The following CDK5RAP2 variants were observed in gnomAD, a reference collection of about 807,000 sequenced individuals.
CDK5RAP2 encodes the protein CDK5 regulatory subunit associated protein 2.
A neutral mutation model predicts 232.9 loss-of-function variants in CDK5RAP2; 147 were observed. The observed-to-expected ratio is 0.63, with a 90% CI of 0.55 to 0.72. CDK5RAP2 has a LOEUF of 0.72. Ranked by LOEUF, CDK5RAP2 falls within the 30% of genes least tolerant of loss-of-function variation. The pLI is 0.00. For missense variants in CDK5RAP2, 2,195 were observed against 2,231.5 expected (o/e 0.98, Z 0.33); for synonymous variants, 833 against 833.7 (o/e 1.00, Z 0.01).
intron 5 of CDK5RAP2, among the ~76,000 whole-genome samples, chr9:120,541,233 C>A (rs1256965018): frequency 6.6e-6 from 1 of 152,164 alleles, no homozygotes; most frequent in African/African-American, 2.4e-5. Context: ...TCCACCCTGC[C>A]CACCAGAGTG....
chr9:120,516,542 T>C (rs1375830006), intron 12 of CDK5RAP2, among the ~76,000 whole-genome samples: 1 of 152,042 alleles, frequency 6.6e-6, no homozygotes, highest in African/African-American at 2.4e-5. Flanking sequence ...ATAAAAAATT[T>C]TGGCTAGGTG....
chr9:120,392,164 C>T (rs12352904), intron 36 of CDK5RAP2, among the ~76,000 whole-genome samples: 2,894 of 152,280 alleles, frequency 0.019, 82 homozygotes, highest in African/African-American at 0.063. Context: ...GCCCCCGAGA[C>T]TGTGCTAAGT....
At chr9:120,498,602 G>C (rs2039428573) in intron 12 of CDK5RAP2, among the ~76,000 whole-genome samples, 1 of 152,052 alleles carries the variant, frequency 6.6e-6, no homozygotes, top group African/African-American at 2.4e-5. Context: ...TCCTGATACT[G>C]GTAAGTATGC....
intron 14 of CDK5RAP2, among the ~76,000 whole-genome samples, chr9:120,485,595 T>C (rs2038558710): frequency 6.6e-6 from 1 of 152,222 alleles, no homozygotes; most frequent in African/African-American, 2.4e-5. Context: ...ATGACTAAAA[T>C]GTGATTCAAA....
intron 4 of CDK5RAP2, among the ~76,000 whole-genome samples, 188 bp from the exon 5 acceptor site, chr9:120,545,978 C>T (rs2041826383): frequency 2.6e-5 from 4 of 152,148 alleles, no homozygotes; most frequent in Admixed American, 2.6e-4. Flanking sequence ...CTGGTGGTCT[C>T]AAAAGAAAGA....
Position 120,580,010 on chromosome 9 carries a change from G to C in CDK5RAP2, c.-32C>G, listed in dbSNP as rs756946190. ...AGAGGTGGCGACAGCGTTGGTGTCT[G>C]TGGCGGCGGCGCCACTAGTACCCCC... On this transcript the variant is annotated 5_prime_UTR_variant, in exon 1 of 38. Coordinates refer to ENST00000349780, the MANE Select transcript of CDK5RAP2 (RefSeq NM_018249.6). 2.0e-6 allele frequency: 3 copies of C among 1,502,084 alleles called. No homozygotes were observed. The South Asian group carries it at 3.4e-5, about 17-fold the overall frequency. The allele number at this position is 1,502,084 out of a possible 1,614,324, so 93.0% of individuals were successfully genotyped here.
intron 7 of CDK5RAP2, chr9:120,532,534 AG>A (rs2041198778): frequency 6.6e-6 from 1 of 152,240 alleles, no homozygotes; most frequent in Non-Finnish European, 1.5e-5. Flanking sequence ...GGCAAAACCA[AG>A]GACTCTGGCT....
At chr9:120,417,107 C>T (rs10984909) in intron 27 of CDK5RAP2, among the ~76,000 whole-genome samples, 25 of 152,180 alleles carry the variant, frequency 1.6e-4, no homozygotes, top group Non-Finnish European at 3.2e-4. Flanking sequence ...CTCCTGGCAC[C>T]CACAGCACTG....
Position 120,491,509 on chromosome 9 carries a change from C to G in CDK5RAP2, c.1312-32G>C, listed in dbSNP as rs748785369. 1.9e-6 allele frequency: 3 copies of G among 1,541,066 alleles called. No individual in the cohort carries two copies. The Admixed American group carries it at 5.0e-5, about 26-fold the overall frequency. On this transcript the variant is annotated intron_variant, in intron 12 of 37. Transcript: ENST00000349780. ...GAAGAAAATGAAAAAATGGAATTTA[C>G]TTGACAAAAATTTCAATCTCTTATG...
intron 36 of CDK5RAP2, among the ~76,000 whole-genome samples, chr9:120,392,752 C>G (rs2032105306): frequency 6.6e-6 from 1 of 152,186 alleles, no homozygotes; most frequent in African/African-American, 2.4e-5. Context: ...AACCAGAACC[C>G]CACAGACATC....
chr9:120,458,982 G>T (rs1315369985), intron 19 of CDK5RAP2, among the ~76,000 whole-genome samples: 1 of 152,184 alleles, frequency 6.6e-6, no homozygotes, highest in Non-Finnish European at 1.5e-5. Context: ...CTCACTACAG[G>T]TGCACAATGG....
At chr9:120,564,643 AT>A (rs1396335681) in intron 3 of CDK5RAP2, among the ~76,000 whole-genome samples, 1 of 152,202 alleles carries the variant, frequency 6.6e-6, no homozygotes, top group Non-Finnish European at 1.5e-5. Flanking sequence ...TATCCCTTTT[AT>A]TAAGCCTTGA....
chr9:120,565,844 A>G (rs1035415286), intron 3 of CDK5RAP2, among the ~76,000 whole-genome samples: 2 of 151,982 alleles, frequency 1.3e-5, no homozygotes, highest in Non-Finnish European at 2.9e-5. Flanking sequence ...TCCCTGCACT[A>G]TTTTCCTATC....
rs999584456 is a variant in CDK5RAP2, at chr9:120,394,294, C to T, written c.5578+218G>A. ...GCCACACGACTGTCTCCCAGTGAGA[C>T]GACAGTCCCTGACACCAAAAGGCCG... On this transcript the variant is annotated intron_variant, in intron 36 of 37. Coordinates refer to ENST00000349780, the MANE Select transcript of CDK5RAP2 (RefSeq NM_018249.6). 2.1e-4 allele frequency among the ~76,000 whole-genome samples: 32 copies of T among 152,256 alleles called. 1 individual carries two copies. Among genetic ancestry groups the T allele is most frequent in the African/African-American group, 6.7e-4 (28 of 41,546 alleles).
At chr9:120,415,009 T>C (rs753644676) in intron 28 of CDK5RAP2, 31 bp downstream of exon 28, 5 of 1,613,194 alleles carry the variant, frequency 3.1e-6, no homozygotes, top group African/African-American at 2.7e-5. Context: ...CTCACAGACA[T>C]GTACAGTCCT....
At chr9:120,502,304 C>A (rs2039612962) in intron 12 of CDK5RAP2, among the ~76,000 whole-genome samples, 2 of 152,174 alleles carry the variant, frequency 1.3e-5, no homozygotes, top group Non-Finnish European at 2.9e-5. Flanking sequence ...TAAAAATGTT[C>A]ACGTATCATG....
chr9:120,395,781 G>C (rs1292782734), intron 35 of CDK5RAP2, among the ~76,000 whole-genome samples: 1 of 152,242 alleles, frequency 6.6e-6, no homozygotes, highest in Non-Finnish European at 1.5e-5. Flanking sequence ...CTGGTTGTAT[G>C]AAAACTAACA....
intron 17 of CDK5RAP2, among the ~76,000 whole-genome samples, chr9:120,468,969 G>T (rs180858332): frequency 1.3e-5 from 2 of 152,190 alleles, no homozygotes; most frequent in Non-Finnish European, 2.9e-5. Context: ...CCTCAAGGAG[G>T]TTCTAGTAGG....
intron 30 of CDK5RAP2, 65 bp downstream of exon 30, chr9:120,409,062 G>A (rs1212292314): frequency 1.3e-5 from 19 of 1,513,580 alleles, no homozygotes; most frequent in African/African-American, 8.2e-5. Context: ...CTGATTCCAC[G>A]ACTGCAGCCC....
Sources: gnomAD v4.1 joint callset for allele counts (sites outside exome capture counted in the v4.1 genomes callset) on GRCh38, gnomAD v4.1.1 for gene constraint, MANE v1.5 for transcripts, NCBI Gene and HGNC (gene_info 2026-07-23, HGNC 2026-07-21) for gene names.